ZCWPW2: variants seen among roughly 807,000 people sequenced by gnomAD.
ZCWPW2 encodes the protein zinc finger CW-type and PWWP domain containing 2.
Under a neutral mutation model 46.6 loss-of-function variants are expected in ZCWPW2, and 45 were observed. The observed-to-expected ratio is 0.96, with a 90% CI of 0.76 to 1.24. The LOEUF (loss-of-function observed/expected upper bound fraction) is 1.24. Ranked by LOEUF, ZCWPW2 falls within the 50% of genes most tolerant of loss-of-function variation. ZCWPW2 has a pLI of 0.00. For synonymous variants in ZCWPW2, 152 were observed against 137.1 expected (o/e 1.11, Z -0.76); for missense variants, 429 against 403.9 (o/e 1.06, Z -0.53).
intron 1 of ZCWPW2, among the ~76,000 whole-genome samples, chr3:28,379,680 A>C (rs968772524): frequency 6.6e-6 from 1 of 152,192 alleles, no homozygotes; most frequent in African/African-American, 2.4e-5. Flanking sequence ...AACTTAGGAC[A>C]TACAAGGAAA....
chr3:28,426,564 C>G (rs1347145688), intron 3 of ZCWPW2, among the ~76,000 whole-genome samples: 1 of 152,104 alleles, frequency 6.6e-6, no homozygotes, highest in African/African-American at 2.4e-5. Context: ...ATTGAGATTT[C>G]TACTGGATCC....
intron 5 of ZCWPW2, among the ~76,000 whole-genome samples, chr3:28,482,158 C>T (rs1423580892): frequency 6.6e-6 from 1 of 152,082 alleles, no homozygotes; most frequent in Non-Finnish European, 1.5e-5. Flanking sequence ...TTGTTTCTAC[C>T]TCCCCCTTAT....
intron 4 of ZCWPW2, among the ~76,000 whole-genome samples, chr3:28,449,455 T>A (rs1698140168): frequency 6.6e-6 from 1 of 152,216 alleles, no homozygotes; most frequent in Non-Finnish European, 1.5e-5. Flanking sequence ...ATTCCATTTA[T>A]ATGAAGTATT....
chr3:28,454,689 C>G (rs1422962401), intron 4 of ZCWPW2, among the ~76,000 whole-genome samples: 1 of 152,128 alleles, frequency 6.6e-6, no homozygotes, highest in Non-Finnish European at 1.5e-5. Context: ...CCCCTTGTGT[C>G]TATTTGGTCT....
In ZCWPW2 at chr3:28,424,228, AACACACACAC is replaced by A. The variant is rs55725925; in HGVS notation, c.333-10850_333-10841del. Among the ~76,000 whole-genome samples, 652 of 138,952 alleles carry A rather than the reference AACACACACAC, an allele frequency of 4.7e-3. 4 individuals carry two copies. Among genetic ancestry groups the A allele is most frequent in the African/African-American group, 0.014 (528 of 37,080 alleles). 91.2% of individuals were successfully genotyped at this position (138,952 alleles called of 152,430 possible). ...AGAGAGACTGTGGTGGTCTTATTCC[AACACACACAC>A]ACACACACACACACACACACACACA... is the stretch of plus-strand genomic sequence containing the variant. On this transcript the variant is annotated intron_variant, in intron 3 of 9. Transcript: ENST00000383768.
chr3:28,493,452 A>G (rs201597965), intron 6 of ZCWPW2, among the ~76,000 whole-genome samples: 6,784 of 112,200 alleles, frequency 0.06, 678 homozygotes, highest in African/African-American at 0.19. Context: ...TTCCAATTTC[A>G]TCCATGTCCC....
At chr3:28,512,770 G>T (rs80044922) in intron 6 of ZCWPW2, among the ~76,000 whole-genome samples, 2,346 of 147,344 alleles carry the variant, frequency 0.016, 65 homozygotes, top group African/African-American at 0.055. Context: ...TTTTTTTTTT[G>T]ATTCTAGAAG....
At chr3:28,505,195 T>G (rs1700243750) in intron 6 of ZCWPW2, among the ~76,000 whole-genome samples, 1 of 152,160 alleles carries the variant, frequency 6.6e-6, no homozygotes, top group South Asian at 2.1e-4. Context: ...CACTCCAGTG[T>G]TCTCTTTGAT....
At position 28,439,397 on chromosome 3, in the gene ZCWPW2, C is replaced by A. The variant is rs180916798; in HGVS notation, c.492+4128C>A. On this transcript the variant is annotated intron_variant, in intron 4 of 9. Transcript: ENST00000383768. ...CTGCCTGCTTTATACTTGCTGGCAT[C>A]TGATTAAATGGTGCCCACCCAATTA... Among the ~76,000 whole-genome samples the A allele has an allele frequency of 2.6e-5, 4 of 152,162 alleles. No homozygotes were observed. The East Asian group carries it at 5.8e-4, about 22-fold the overall frequency.
intron 1 of ZCWPW2, among the ~76,000 whole-genome samples, chr3:28,350,040 T>C (rs1222377263): frequency 6.6e-6 from 1 of 152,262 alleles, no homozygotes; most frequent in Non-Finnish European, 1.5e-5. Context: ...GTTAATGTTA[T>C]CGTTGAGAAA....
intron 4 of ZCWPW2, among the ~76,000 whole-genome samples, chr3:28,446,294 G>A (rs1310625361): frequency 6.6e-6 from 1 of 151,952 alleles, no homozygotes; most frequent in East Asian, 1.9e-4. Context: ...TGTCTCAGGA[G>A]GTTTTTAAAA....
chr3:28,381,576 G>C (rs1256933590), intron 1 of ZCWPW2, among the ~76,000 whole-genome samples: 2 of 152,066 alleles, frequency 1.3e-5, no homozygotes, highest in Non-Finnish European at 2.9e-5. Context: ...GTATGTGAAT[G>C]TTAGAACACC....
chr3:28,360,680 AAAAG>A (rs921421544), intron 1 of ZCWPW2, among the ~76,000 whole-genome samples: 19 of 152,290 alleles, frequency 1.2e-4, no homozygotes, highest in Admixed American at 6.5e-4. Flanking sequence ...ATGCATTAAA[AAAAG>A]AGATAACTGG....
Position 28,363,129 on chromosome 3 carries a change from C to T in ZCWPW2, c.-134+13926C>T, listed in dbSNP as rs74542072. Among the ~76,000 whole-genome samples the T allele has an allele frequency of 6.8e-3, 1,041 of 152,030 alleles. 10 individuals carry two copies. The highest frequency in any genetic ancestry group is 0.023 in the African/African-American group (941 of 41,466). On this transcript the variant is annotated intron_variant, in intron 1 of 9. Transcript: ENST00000383768. ...GCTGTTGGGTACTATGCTTAGTACC[C>T]GGCTGAGGAAATAATCTGTACACCA...
intron 1 of ZCWPW2, among the ~76,000 whole-genome samples, chr3:28,386,327 C>A (rs1695272190): frequency 6.6e-6 from 1 of 152,104 alleles, no homozygotes; most frequent in African/African-American, 2.4e-5. Flanking sequence ...GAAAGAGAGC[C>A]CTCACCAGAA....
intron 3 of ZCWPW2, among the ~76,000 whole-genome samples, chr3:28,414,460 T>G (rs1383305083): frequency 6.6e-6 from 1 of 151,984 alleles, no homozygotes; most frequent in South Asian, 2.1e-4. Flanking sequence ...TTTTTTTTAA[T>G]TTTATTATTA....
intron 2 of ZCWPW2, among the ~76,000 whole-genome samples, chr3:28,392,625 A>G (rs1695540370): frequency 6.6e-6 from 1 of 152,196 alleles, no homozygotes. Flanking sequence ...TTCTGACCAC[A>G]ATGGTATAAG....
At chr3:28,413,470 T>A in intron 3 of ZCWPW2, 70 bp downstream of exon 3, 1 of 1,298,442 alleles carries the variant, frequency 7.7e-7, no homozygotes, top group Non-Finnish European at 1.0e-6. Flanking sequence ...AAAAATCTTT[T>A]TGAAGACTAA....
chr3:28,374,602 A>G (rs1705443378), intron 1 of ZCWPW2, among the ~76,000 whole-genome samples: 1 of 152,122 alleles, frequency 6.6e-6, no homozygotes, highest in South Asian at 2.1e-4. Flanking sequence ...TTTGCAAACT[A>G]TGAGTATGGG....
Sources: gnomAD v4.1 joint callset for allele counts (sites outside exome capture counted in the v4.1 genomes callset) on GRCh38, gnomAD v4.1.1 for gene constraint, MANE v1.5 for transcripts, NCBI Gene and HGNC (gene_info 2026-07-23, HGNC 2026-07-21) for gene names.